AAK1: variants seen among roughly 807,000 people sequenced by gnomAD.
AAK1 encodes the protein AP2-associated protein kinase 1.
Under a neutral mutation model 116.0 loss-of-function variants are expected in AAK1, and 37 were observed. The observed-to-expected ratio is 0.32, with a 90% confidence interval of 0.25 to 0.42. The LOEUF (loss-of-function observed/expected upper bound fraction) is 0.42, where lower values mean the gene tolerates loss of function less well. Ranked by LOEUF, AAK1 falls within the 10% of genes least tolerant of loss-of-function variation. The pLI, the probability that AAK1 is intolerant of heterozygous loss-of-function variation, is 1.00. For synonymous variants in AAK1, 458 were observed against 439.9 expected (o/e 1.04, Z -0.51); for missense variants, 919 against 1,170.6 (o/e 0.79, Z 3.14).
At chr2:69,599,847 G>C (rs1010527140) in intron 2 of AAK1, among the ~76,000 whole-genome samples, 1 of 152,014 alleles carries the variant, frequency 6.6e-6, no homozygotes, top group African/African-American at 2.4e-5. Context: ...GTATGATCAC[G>C]GCTCACTGCA....
chr2:69,544,279 C>T lies in AAK1; in HGVS notation c.391+157G>A, dbSNP rs1670837401. On this transcript the variant is annotated intron_variant, in intron 4 of 21. Transcript: ENST00000409085. Reference sequence around the variant, plus strand: ...TACGTTTGTACCGTTATAAGAATAACTAAGAGTTGACAGCAGACTGTATCT... The same window carrying T: ...TACGTTTGTACCGTTATAAGAATAATTAAGAGTTGACAGCAGACTGTATCT... The T allele has an allele frequency of 6.6e-6, 4 of 603,666 alleles. No individual in the cohort carries two copies. The Admixed American group carries it at 8.5e-5, about 13-fold the overall frequency. The allele number at this position is 603,666 out of a possible 1,614,324, so 37.4% of individuals were successfully genotyped here.
At chr2:69,625,241 A>C (rs1221323126) in intron 2 of AAK1, among the ~76,000 whole-genome samples, 2 of 152,248 alleles carry the variant, frequency 1.3e-5, no homozygotes, top group Non-Finnish European at 2.9e-5. Context: ...GCAGATTAAA[A>C]GCAGCAAATT....
rs879924652 is a variant in AAK1, at chr2:69,475,013, A to G, written c.*856T>C. ...AGTGAAAAGTCTTCTAATAAAAGGT[A>G]TCATATTACCACCGTCTTGTTTTGG... is the stretch of plus-strand genomic sequence containing the variant. On this transcript the variant is annotated 3_prime_UTR_variant, in exon 22 of 22. Transcript: ENST00000409085. 298 of 973,872 alleles carry G rather than the reference A, an allele frequency of 3.1e-4. No individual in the cohort carries two copies. The highest frequency in any genetic ancestry group is 3.4e-4 in the Non-Finnish European group (282 of 827,418). 60.3% of individuals were successfully genotyped at this position (973,872 alleles called of 1,614,324 possible).
At chr2:69,514,863 G>C in intron 12 of AAK1, 114 bp from the exon 13 acceptor site, 1 of 1,241,578 alleles carries the variant, frequency 8.1e-7, no homozygotes, top group Non-Finnish European at 1.1e-6. Context: ...AGGGCAAGTA[G>C]AAAAGTCTTG....
intron 2 of AAK1, chr2:69,598,400 C>G (rs1673401632): frequency 6.5e-6 from 2 of 305,764 alleles, no homozygotes; most frequent in Admixed American, 3.7e-5. Context: ...TGCCAAGGAT[C>G]TATAAATGAT....
At chr2:69,616,392 G>A (rs575543394) in intron 2 of AAK1, among the ~76,000 whole-genome samples, 3 of 152,236 alleles carry the variant, frequency 2.0e-5, no homozygotes, top group East Asian at 1.9e-4. Context: ...AAAAAAGAAC[G>A]AAAAGAAAAA....
intron 7 of AAK1, 30 bp downstream of exon 7, chr2:69,530,595 T>C (rs1329816770): frequency 2.6e-6 from 4 of 1,566,638 alleles, no homozygotes; most frequent in Non-Finnish European, 1.8e-6. Context: ...TGCTGCTATC[T>C]GAGGTATGGA....
In AAK1 at chr2:69,643,077, G is replaced by C. The variant is rs749784969; in HGVS notation, c.-37C>G. ...GGAGCAGCAAAGCAAAATACCGATG[G>C]TTTCTAGATTTTTTTTTTTTTTTTT... On this transcript the variant is annotated 5_prime_UTR_variant, in exon 2 of 22. Transcript: ENST00000409085. 4.2e-6 allele frequency: 6 copies of C among 1,414,582 alleles called. No individual in the cohort carries two copies. The highest frequency in any genetic ancestry group is 1.5e-5 in the South Asian group (1 of 68,438). The allele number at this position is 1,414,582 out of a possible 1,614,324, so 87.6% of individuals were successfully genotyped here.
chr2:69,526,335 G>A (rs1465313845), intron 9 of AAK1, among the ~76,000 whole-genome samples: 2 of 152,204 alleles, frequency 1.3e-5, no homozygotes, highest in African/African-American at 4.8e-5. Context: ...AAGAGGAGCA[G>A]CACCCTTAAG....
At chr2:69,613,488 T>C (rs960321688) in intron 2 of AAK1, among the ~76,000 whole-genome samples, 3 of 152,160 alleles carry the variant, frequency 2.0e-5, no homozygotes, top group Admixed American at 2.0e-4. Context: ...GGATGGGGGC[T>C]GGTTGGCAGG....
At chr2:69,604,881 G>A (rs1445962765) in intron 2 of AAK1, among the ~76,000 whole-genome samples, 1 of 152,058 alleles carries the variant, frequency 6.6e-6, no homozygotes, top group African/African-American at 2.4e-5. Flanking sequence ...CTAAATTTTG[G>A]CTAATGGAGC....
At chr2:69,547,692 C>A (rs545843512) in intron 3 of AAK1, among the ~76,000 whole-genome samples, 2 of 152,260 alleles carry the variant, frequency 1.3e-5, no homozygotes, top group African/African-American at 2.4e-5. Flanking sequence ...CCAAAACAGT[C>A]TGACAGTTCC....
intron 3 of AAK1, among the ~76,000 whole-genome samples, chr2:69,551,386 T>G (rs1441386229): frequency 1.3e-5 from 2 of 152,228 alleles, no homozygotes; most frequent in Non-Finnish European, 2.9e-5. Context: ...ACATGTACCC[T>G]GGAACTTAAA....
At chr2:69,607,740 C>T (rs1395171286) in intron 2 of AAK1, among the ~76,000 whole-genome samples, 1 of 152,100 alleles carries the variant, frequency 6.6e-6, no homozygotes, top group East Asian at 1.9e-4. Flanking sequence ...TTCTCCAACC[C>T]AATCAATCAG....
intron 2 of AAK1, among the ~76,000 whole-genome samples, chr2:69,618,239 TATAA>T (rs1418170267): frequency 6.6e-6 from 1 of 151,498 alleles, no homozygotes; most frequent in Non-Finnish European, 1.5e-5. Context: ...TAAGTAGAGA[TATAA>T]ATAAATATAT....
At chr2:69,514,830 G>A (rs1175128568) in intron 12 of AAK1, 81 bp from the exon 13 acceptor site, 1 of 1,440,290 alleles carries the variant, frequency 6.9e-7, no homozygotes, top group Admixed American at 2.8e-5. Context: ...AAACAATGAA[G>A]ACCAGTGCTA....
At chr2:69,509,547 C>A (rs913111958) in intron 13 of AAK1, 87 bp from the exon 14 acceptor site, 20 of 1,123,002 alleles carry the variant, frequency 1.8e-5, no homozygotes, top group East Asian at 2.6e-5. Context: ...ACAACAACAA[C>A]AAAAAATGCC....
intron 5 of AAK1, among the ~76,000 whole-genome samples, chr2:69,538,715 C>G (rs1670582135): frequency 6.6e-6 from 1 of 152,156 alleles, no homozygotes; most frequent in Admixed American, 6.5e-5. Flanking sequence ...AACCCCGTCT[C>G]TACTAAAAAT....
intron 2 of AAK1, among the ~76,000 whole-genome samples, chr2:69,574,314 GCTGCAGTGAGCAGAGATCACACCA>G (rs979593531): frequency 6.9e-6 from 1 of 145,266 alleles, no homozygotes; most frequent in Admixed American, 7.2e-5. Flanking sequence ...GGAGGCGGAA[GCTGCAGTGAGCAGAGATCACACCA>G]CTGCACTTCA....
Sources: allele counts gnomAD v4.1 joint callset (sites outside exome capture counted in the v4.1 genomes callset), GRCh38; gene constraint gnomAD v4.1.1; transcripts MANE v1.5; gene names NCBI Gene and HGNC (gene_info 2026-07-23, HGNC 2026-07-21).